The following LMNTD1 variants were observed in gnomAD, a reference collection of about 807,000 sequenced individuals.
LMNTD1 encodes the protein lamin tail domain containing 1.
Under a neutral mutation model 50.9 loss-of-function variants are expected in LMNTD1, and 35 were observed. The observed-to-expected ratio is 0.69, with a 90% CI of 0.53 to 0.91. The LOEUF is 0.91. LMNTD1 is among the 40% of genes least tolerant of loss of function. LMNTD1 has a pLI of 0.00. For synonymous variants in LMNTD1, 153 were observed against 161.9 expected (o/e 0.94, Z 0.42); for missense variants, 470 against 475.5 (o/e 0.99, Z 0.11).
chr12:25,564,610 AT>A, intron 1 of LMNTD1, among the ~76,000 whole-genome samples: 1 of 152,208 alleles, frequency 6.6e-6, no homozygotes, highest in East Asian at 1.9e-4. Flanking sequence ...CATTATTTCA[AT>A]TTTTTTAATG....
At chr12:25,527,125 G>A (rs1342019412) in intron 4 of LMNTD1, among the ~76,000 whole-genome samples, 170 bp from the exon 5 acceptor site, 1 of 152,028 alleles carries the variant, frequency 6.6e-6, no homozygotes, top group East Asian at 1.9e-4. Flanking sequence ...AATGGCTTGA[G>A]TTTTTAGTTC....
chr12:25,559,990 G>C (rs1301534199), intron 1 of LMNTD1, among the ~76,000 whole-genome samples: 1 of 152,154 alleles, frequency 6.6e-6, no homozygotes, highest in Non-Finnish European at 1.5e-5. Flanking sequence ...CATTCTGTAA[G>C]TTGCCTGTTC....
At chr12:25,609,347 G>A (rs560950808) in intron 1 of LMNTD1, among the ~76,000 whole-genome samples, 12 of 152,080 alleles carry the variant, frequency 7.9e-5, no homozygotes, top group South Asian at 2.1e-4. Flanking sequence ...GTCATTCTCC[G>A]TCCAGCTTTG....
At chr12:25,600,079 G>A (rs1042805350) in intron 1 of LMNTD1, among the ~76,000 whole-genome samples, 1 of 152,022 alleles carries the variant, frequency 6.6e-6, no homozygotes, top group African/African-American at 2.4e-5. Flanking sequence ...AAAACAGCAT[G>A]GTACTGGCAT....
intron 6 of LMNTD1, 31 bp from the exon 7 acceptor site, chr12:25,520,106 T>C (rs1941182212): frequency 7.1e-7 from 1 of 1,413,940 alleles, no homozygotes; most frequent in African/African-American, 1.4e-5. Flanking sequence ...ATGTTGGCTA[T>C]GTATATTTGA....
chr12:25,566,016 A>G (rs1285581710), intron 1 of LMNTD1, among the ~76,000 whole-genome samples: 1 of 152,054 alleles, frequency 6.6e-6, no homozygotes, highest in African/African-American at 2.4e-5. Flanking sequence ...TGCTTTTAGA[A>G]TTCTTTCTTT....
intron 1 of LMNTD1, among the ~76,000 whole-genome samples, chr12:25,600,599 T>C (rs572466594): frequency 3.3e-5 from 5 of 151,700 alleles, no homozygotes; most frequent in Non-Finnish European, 7.4e-5. Flanking sequence ...AACAACTCTA[T>C]AGGAAAAAAT....
intron 3 of LMNTD1, among the ~76,000 whole-genome samples, chr12:25,548,300 G>GCTGTA (rs1943555245): frequency 7.4e-6 from 1 of 135,984 alleles, no homozygotes; most frequent in Non-Finnish European, 1.7e-5. Flanking sequence ...TAGATGAGGG[G>GCTGTA]CAGCCAGGCT....
chr12:25,508,312 A>T (rs1252024044), intron 8 of LMNTD1, among the ~76,000 whole-genome samples: 1 of 152,176 alleles, frequency 6.6e-6, no homozygotes, highest in Non-Finnish European at 1.5e-5. Flanking sequence ...GATAACGATT[A>T]TTCTGACCTT....
intron 1 of LMNTD1, among the ~76,000 whole-genome samples, chr12:25,567,240 C>G (rs1944591175): frequency 6.6e-6 from 1 of 152,194 alleles, no homozygotes; most frequent in South Asian, 2.1e-4. Context: ...AGAAAGACAA[C>G]TTAGACATCT....
At chr12:25,622,751 T>C (rs531458518) in intron 1 of LMNTD1, among the ~76,000 whole-genome samples, 1 of 152,184 alleles carries the variant, frequency 6.6e-6, no homozygotes, top group East Asian at 1.9e-4. Context: ...ATGATCCCTC[T>C]GAAGCTCAAC....
chr12:25,498,567 G>A (rs1939197796), intron 9 of LMNTD1, among the ~76,000 whole-genome samples: 1 of 152,176 alleles, frequency 6.6e-6, no homozygotes, highest in Non-Finnish European at 1.5e-5. Flanking sequence ...TGTGGAAGTT[G>A]TAGACTTGAT....
At chr12:25,491,699 A>G (rs190970646) in intron 9 of LMNTD1, among the ~76,000 whole-genome samples, 1 of 152,338 alleles carries the variant, frequency 6.6e-6, no homozygotes, top group African/African-American at 2.4e-5. Flanking sequence ...CTGGGAAAGA[A>G]CAGCATGCAC....
chr12:25,583,217 C>T (rs963379642), intron 1 of LMNTD1, among the ~76,000 whole-genome samples: 138 of 139,034 alleles, frequency 9.9e-4, no homozygotes, highest in Non-Finnish European at 1.7e-3. Flanking sequence ...TTAGTAGAGA[C>T]GGGGTTTCAC....
Position 25,545,049 on chromosome 12 carries a change from A to T in LMNTD1, c.491+1325T>A, listed in dbSNP as rs148981913. ...AATTCTGGGTTTTTCCATGTACTTA[A>T]TTTTACCAGAGGTTTTATACTTTCA... On this transcript the variant is annotated intron_variant, in intron 4 of 9. Coordinates refer to ENST00000458174, the MANE Select transcript of LMNTD1 (RefSeq NM_001145728.2). Among the ~76,000 whole-genome samples, 697 of 151,756 alleles carry T rather than the reference A, an allele frequency of 4.6e-3. 3 individuals are homozygous for T. The highest frequency in any genetic ancestry group is 7.5e-3 in the South Asian group (36 of 4,816).
At chr12:25,545,509 C>T (rs983307112) in intron 4 of LMNTD1, among the ~76,000 whole-genome samples, 25 of 151,706 alleles carry the variant, frequency 1.6e-4, no homozygotes, top group African/African-American at 6.0e-4. Context: ...TTTTTGTTTT[C>T]TGGGGTGGCT....
At chr12:25,614,889 TTC>T (rs1426619056) in intron 1 of LMNTD1, among the ~76,000 whole-genome samples, 2 of 152,238 alleles carry the variant, frequency 1.3e-5, no homozygotes, top group Non-Finnish European at 2.9e-5. Flanking sequence ...GATGGCCATC[TTC>T]TCCCTGTTTT....
intron 1 of LMNTD1, among the ~76,000 whole-genome samples, chr12:25,601,471 T>C (rs1945972698): frequency 1.3e-5 from 2 of 151,984 alleles, no homozygotes; most frequent in African/African-American, 4.8e-5. Context: ...TATATTTGGA[T>C]TATTTGTAAC....
chr12:25,546,466 A>C lies in LMNTD1; in HGVS notation c.399T>G (p.Asp133Glu). The change falls in exon 4 of 10, where the codon GAT becomes GAG. Residue 133 changes from aspartate to glutamate, a missense_variant. Physicochemically the swap from Asp to Glu is conservative, Grantham distance 45. Coordinates refer to ENST00000458174, the MANE Select transcript of LMNTD1 (RefSeq NM_001145728.2). ...GEDYFLSLFG[D>E]SKKLTAHSNY... ...TTGAGTGTGCTGTAAGTTTCTTTGAATCACCAAACAAAGAAAGGAAATAAT... is the reference window on the plus strand; with the variant it reads ...TTGAGTGTGCTGTAAGTTTCTTTGACTCACCAAACAAAGAAAGGAAATAAT... 30 of 1,601,888 alleles carry C rather than the reference A, an allele frequency of 1.9e-5. No homozygotes were observed. The highest frequency in any genetic ancestry group is 2.6e-5 in the Non-Finnish European group (30 of 1,172,422).
Sources: gnomAD v4.1 joint callset for allele counts (sites outside exome capture counted in the v4.1 genomes callset) on GRCh38, gnomAD v4.1.1 for gene constraint, MANE v1.5 for transcripts, NCBI Gene and HGNC (gene_info 2026-07-23, HGNC 2026-07-21) for gene names.